The following CLVS1 variants were observed in gnomAD, a reference collection of about 807,000 sequenced individuals.
The protein encoded by CLVS1 is clavesin-1.
CLVS1 carries 10 observed loss-of-function variants against 33.1 expected under a neutral mutation model. The observed-to-expected ratio is 0.30, with a 90% CI of 0.19 to 0.51. The LOEUF (loss-of-function observed/expected upper bound fraction) is 0.51, where lower values mean the gene tolerates loss of function less well. Among genes scored for constraint, CLVS1 ranks in the 20% least tolerant of loss-of-function variants. The probability of loss-of-function intolerance (pLI) is 0.97; values close to 1 mark genes in which losing one functional copy is unlikely to be tolerated. For missense variants in CLVS1, 343 were observed against 433.4 expected, an observed-to-expected ratio of 0.79 and a Z score of 1.85; for synonymous variants, 163 against 166.1, an observed-to-expected ratio of 0.98 and a Z score of 0.14.
the CLVS1 span, among the ~76,000 whole-genome samples, chr8:61,012,741 T>G: frequency 6.6e-6 from 1 of 152,214 alleles, no homozygotes; most frequent in Non-Finnish European, 1.5e-5. Context: ...CAGCTCCCAC[T>G]GCCTCCATCA....
intron 5 of CLVS1, among the ~76,000 whole-genome samples, chr8:61,464,369 A>G (rs1817474018): frequency 6.6e-6 from 1 of 152,206 alleles, no homozygotes; most frequent in South Asian, 2.1e-4. Flanking sequence ...ATTGCTTCAA[A>G]ACTGATTAGT....
intron 1 of CLVS1, among the ~76,000 whole-genome samples, chr8:61,124,123 C>T (rs575979073): frequency 6.0e-4 from 91 of 152,090 alleles, no homozygotes; most frequent in African/African-American, 1.5e-3. Flanking sequence ...AGTAAGTTAC[C>T]CATGGTTTTG....
intron 1 of CLVS1, among the ~76,000 whole-genome samples, chr8:61,116,303 A>C (rs575888733): frequency 1.3e-5 from 2 of 151,504 alleles, no homozygotes; most frequent in Non-Finnish European, 2.9e-5. Context: ...GGTTGCGAAA[A>C]TTTTCTCCCA....
intron 3 of CLVS1, among the ~76,000 whole-genome samples, chr8:61,398,383 C>T (rs1242280439): frequency 6.6e-6 from 1 of 151,882 alleles, no homozygotes; most frequent in Non-Finnish European, 1.5e-5. Context: ...GGTTTCACCA[C>T]ATTGCTCAGG....
Position 61,086,604 on chromosome 8 carries a change from CT to C in CLVS1, c.-243+29384del, listed in dbSNP as rs143413994. The stretch of plus-strand genomic sequence containing the variant: ...AGAAGATTATTCAGGAAATGGGTTA[CT>C]TTTTTTTTTCAAGTTGGCATTTGAA... On this transcript the variant is annotated intron_variant, in intron 1 of 2. Transcript: ENST00000522621. Among the ~76,000 whole-genome samples the C allele has an allele frequency of 5.8e-4, 86 of 148,382 alleles. No individual in the cohort carries two copies. In the East Asian group the frequency reaches 0.012, roughly 21 times the overall value.
chr8:61,401,386 T>G (rs190428885), intron 3 of CLVS1, among the ~76,000 whole-genome samples: 50 of 152,234 alleles, frequency 3.3e-4, no homozygotes, highest in African/African-American at 1.2e-3. Flanking sequence ...CATAATTAAG[T>G]GTGAGGTTAG....
At chr8:61,477,979 T>A (rs1439734286) in intron 5 of CLVS1, among the ~76,000 whole-genome samples, 2 of 150,122 alleles carry the variant, frequency 1.3e-5, no homozygotes, top group Non-Finnish European at 3.0e-5. Flanking sequence ...AATGTGTCCC[T>A]CTACACACTG....
At chr8:61,271,101 G>A (rs1376108048) in intron 2 of CLVS1, among the ~76,000 whole-genome samples, 2 of 139,850 alleles carry the variant, frequency 1.4e-5, no homozygotes, top group Non-Finnish European at 3.1e-5. Flanking sequence ...TTTTAATTGT[G>A]ATGTTAGGGT....
chr8:60,974,247 GCCTCCACGAGTC>G, the CLVS1 span, among the ~76,000 whole-genome samples: 7 of 152,152 alleles, frequency 4.6e-5, no homozygotes, highest in African/African-American at 1.7e-4. Flanking sequence ...CAAGTCCCCT[GCCTCCACGAGTC>G]CCTCCCGGAG....
Position 61,406,618 on chromosome 8 carries a change from TGG to T in CLVS1, c.630+29848_630+29849del, listed in dbSNP as rs57210777. On this transcript the variant is annotated intron_variant, in intron 3 of 5. Coordinates refer to ENST00000325897, the MANE Select transcript of CLVS1 (RefSeq NM_173519.3). ...GTTTGACATAGATTTGTTTTTTTTG[TGG>T]GGGGGGGGATGGAGTCTTGCTCTGT... 9.2e-3 allele frequency among the ~76,000 whole-genome samples: 1,338 copies of T among 145,174 alleles called. 21 individuals carry two copies. Among genetic ancestry groups the T allele is most frequent in the African/African-American group, 0.031 (1,249 of 40,094 alleles).
chr8:61,312,047 C>T (rs549297415), intron 2 of CLVS1, among the ~76,000 whole-genome samples: 3 of 152,320 alleles, frequency 2.0e-5, no homozygotes, highest in Admixed American at 6.5e-5. Context: ...AGTTATGAGG[C>T]CTTTTCTTGC....
intron 3 of CLVS1, among the ~76,000 whole-genome samples, chr8:61,389,298 G>A (rs1303453968): frequency 6.6e-6 from 1 of 152,182 alleles, no homozygotes; most frequent in Non-Finnish European, 1.5e-5. Flanking sequence ...CCAGCCCTTT[G>A]GGAGGCCGAG....
intron 2 of CLVS1, among the ~76,000 whole-genome samples, chr8:61,351,872 C>T (rs1485895177): frequency 1.3e-5 from 2 of 151,814 alleles, no homozygotes; most frequent in Non-Finnish European, 2.9e-5. Context: ...TAAAGATATT[C>T]TTAGATAAGA....
chr8:61,273,052 T>C (rs2129592804), intron 2 of CLVS1, among the ~76,000 whole-genome samples: 1 of 151,244 alleles, frequency 6.6e-6, no homozygotes, highest in African/African-American at 2.4e-5. Flanking sequence ...TGCGTTCCTT[T>C]GGAGCAGAGG....
intron 2 of CLVS1, among the ~76,000 whole-genome samples, chr8:61,226,453 A>G (rs1283901385): frequency 6.6e-6 from 1 of 152,222 alleles, no homozygotes; most frequent in East Asian, 1.9e-4. Context: ...TCAGACACTA[A>G]AAGTTTTCCA....
chr8:61,159,538 T>C (rs115723774), intron 2 of CLVS1, among the ~76,000 whole-genome samples: 3,986 of 152,302 alleles, frequency 0.026, 164 homozygotes, highest in African/African-American at 0.09. Flanking sequence ...TCTCCATTAA[T>C]CAAATTGGAT....
chr8:61,376,613 T>C lies in CLVS1; in HGVS notation c.464T>C (p.Phe155Ser). 1 of 1,613,892 alleles carries C rather than the reference T, an allele frequency of 6.2e-7. No individual in the cohort carries two copies. Among genetic ancestry groups the C allele is most frequent in the East Asian group, 2.2e-5 (1 of 44,888 alleles). ...TTCTGCTCTGGCTGCAGGAACTCCTTCACAGACATCCTTCGTGCCATCCTG... is the reference window on the plus strand; with the variant it reads ...TTCTGCTCTGGCTGCAGGAACTCCTCCACAGACATCCTTCGTGCCATCCTG... ...AANWDQSRNS[F>S]TDILRAILLS... Residue 155 changes from phenylalanine to serine, a missense_variant, in exon 3 of 6, where the codon TTC (phenylalanine) becomes TCC (serine). By Grantham distance (155) the Phe-to-Ser change is radical. Transcript: ENST00000325897.
chr8:61,423,982 A>T (rs1815781771), intron 3 of CLVS1, among the ~76,000 whole-genome samples: 1 of 152,224 alleles, frequency 6.6e-6, no homozygotes, highest in African/African-American at 2.4e-5. Flanking sequence ...TGACATTATT[A>T]TTTGAGGCTT....
chr8:61,253,415 C>G (rs758697353), intron 2 of CLVS1, among the ~76,000 whole-genome samples: 2 of 152,118 alleles, frequency 1.3e-5, no homozygotes, highest in Non-Finnish European at 2.9e-5. Flanking sequence ...TTGCTCTTCT[C>G]GAGGAGTAAC....
Sources: allele counts gnomAD v4.1 joint callset (sites outside exome capture counted in the v4.1 genomes callset), GRCh38; gene constraint gnomAD v4.1.1; transcripts MANE v1.5; gene names NCBI Gene and HGNC (gene_info 2026-07-23, HGNC 2026-07-21).